The following GHITM variants were observed in gnomAD, a reference collection of about 807,000 sequenced individuals.
GHITM encodes the protein growth hormone-inducible transmembrane protein.
In GHITM, 24 loss-of-function variants were observed where a neutral mutation model predicts 38.7. That is an observed-to-expected ratio of 0.62 (90% confidence interval 0.45 to 0.87). The LOEUF (loss-of-function observed/expected upper bound fraction) is 0.87, where lower values mean the gene tolerates loss of function less well. GHITM is among the 40% of genes least tolerant of loss of function. The pLI, the probability that GHITM is intolerant of heterozygous loss-of-function variation, is 0.00. For missense variants in GHITM, 420 were observed against 429.8 expected (o/e 0.98, Z 0.20); for synonymous variants, 154 against 147.8 (o/e 1.04, Z -0.30).
At chr10:84,148,045 A>G (rs977747130) in intron 5 of GHITM, among the ~76,000 whole-genome samples, 2 of 152,100 alleles carry the variant, frequency 1.3e-5, no homozygotes, top group African/African-American at 4.8e-5. Context: ...ATACAAAAAT[A>G]TATTTTTTAA....
At chr10:84,145,109 A>T in intron 5 of GHITM, 93 bp downstream of exon 5, 1 of 883,538 alleles carries the variant, frequency 1.1e-6, no homozygotes, top group East Asian at 2.8e-5. Context: ...TGGAAAGAAT[A>T]CTGTATTGAA....
chr10:84,152,707 A>AT lies in GHITM; in HGVS notation c.*366dup, dbSNP rs749938140. Reference sequence around the variant, plus strand: ...AAATTTAGCAAACCTGTGTTTGCATATTTTTTTGGAGTGCAGAATATTGTA... The same window carrying AT: ...AAATTTAGCAAACCTGTGTTTGCATATTTTTTTTGGAGTGCAGAATATTGTA... On this transcript the variant is annotated 3_prime_UTR_variant, in exon 9 of 9. Coordinates refer to ENST00000372134, the MANE Select transcript of GHITM (RefSeq NM_014394.3). 7.9e-5 allele frequency: 14 copies of AT among 178,304 alleles called. No homozygotes were observed. Among genetic ancestry groups the AT allele is most frequent in the Middle Eastern group, 2.4e-3 (1 of 424 alleles). 11.0% of individuals were successfully genotyped at this position (178,304 alleles called of 1,614,324 possible).
At position 84,150,586 on chromosome 10, in the gene GHITM, C is replaced by G. The variant is rs992822596; in HGVS notation, c.782-123C>G. ...CAAATAAGATTAGACAGTACATGTA[C>G]CCAGATGTCGTCTTACCTACACAGT... On this transcript the variant is annotated intron_variant, in intron 7 of 8. Transcript: ENST00000372134. 11 of 694,292 alleles carry G rather than the reference C, an allele frequency of 1.6e-5. No homozygotes were observed. The African/African-American group carries it at 1.6e-4, about 10-fold the overall frequency. 43.0% of individuals were successfully genotyped at this position (694,292 alleles called of 1,614,324 possible).
At chr10:84,151,941 T>C (rs1841616605) in intron 8 of GHITM, among the ~76,000 whole-genome samples, 1 of 152,302 alleles carries the variant, frequency 6.6e-6, no homozygotes, top group African/African-American at 2.4e-5. Flanking sequence ...CAGGTTTTTA[T>C]AAAGGTGTTT....
Position 84,144,051 on chromosome 10 carries a change from T to A in GHITM, c.286T>A (p.Leu96Met). Reference protein sequence around the residue: ...AGGAAVGLGALCYYGLGLSNE... With the variant: ...AGGAAVGLGAMCYYGLGLSNE... The stretch of plus-strand genomic sequence containing the variant: ...AGGGGCTGCTGTTGGTCTTGGAGCA[T>A]TGTGCTACTATGGCTTGGGACTGTC... Residue 96 changes from leucine to methionine, a missense_variant, in exon 4 of 9, where the codon TTG becomes ATG. By Grantham distance (15) the Leu-to-Met change is conservative (BLOSUM62 2). Coordinates refer to ENST00000372134, the MANE Select transcript of GHITM (RefSeq NM_014394.3). 1 of 1,614,108 alleles carries A rather than the reference T, an allele frequency of 6.2e-7. No homozygotes were observed. The highest frequency in any genetic ancestry group is 8.5e-7 in the Non-Finnish European group (1 of 1,179,950).
intron 6 of GHITM, among the ~76,000 whole-genome samples, chr10:84,149,820 G>C (rs550555069): frequency 6.6e-6 from 1 of 152,326 alleles, no homozygotes; most frequent in Admixed American, 6.5e-5. Flanking sequence ...AAGTAGATTA[G>C]TGTTTGCTTG....
rs775106368 is a variant in GHITM at position 84,142,747 on chromosome 10, A to T, written c.222A>T (p.Ile74=). 1 of 1,570,324 alleles carries T rather than the reference A, an allele frequency of 6.4e-7. No individual in the cohort carries two copies. Among genetic ancestry groups the T allele is most frequent in the South Asian group, 1.1e-5 (1 of 89,882 alleles). The change falls in exon 3 of 9, where the codon ATA becomes ATT. Residue 74 remains isoleucine (I), a synonymous_variant. Transcript: ENST00000372134. ...EAALEPSMEK[I]FKIDQMGRWF... ...CATTGGAACCATCGATGGAAAAAAT[A>T]TTTAAAAGTAGGTGGCTATCTTTAG...
At chr10:84,152,139 A>C (rs1841618230) in intron 8 of GHITM, 125 bp from the exon 9 acceptor site, 6 of 567,100 alleles carry the variant, frequency 1.1e-5, no homozygotes, top group South Asian at 6.9e-5. Context: ...GCAGTTAAAC[A>C]TCTTATTTTT....
chr10:84,153,359 C>G lies in GHITM; in HGVS notation c.*1011C>G, dbSNP rs1393199205. On this transcript the variant is annotated 3_prime_UTR_variant, in exon 9 of 9. Transcript: ENST00000372134. ...TTCTCGCATTGCCTCTCAGACTAAG[C>G]ACTAAAAAGCAAAGCAAAACAGAAC... is the stretch of plus-strand genomic sequence containing the variant. 1 of 152,100 alleles carries G rather than the reference C, an allele frequency of 6.6e-6. No individual in the cohort carries two copies. The highest frequency in any genetic ancestry group is 6.5e-5 in the Admixed American group (1 of 15,270). The allele number at this position is 152,100 out of a possible 1,614,324, so 9.4% of individuals were successfully genotyped here. A position where few individuals can be genotyped will look rare whatever the true frequency, so the allele number is the denominator to read the frequency against.
At chr10:84,149,985 T>A in intron 6 of GHITM, 70 bp from the exon 7 acceptor site, 2 of 1,203,636 alleles carry the variant, frequency 1.7e-6, no homozygotes, top group Non-Finnish European at 2.3e-6. Flanking sequence ...TAAAGTGGCA[T>A]GTTAGAAGTG....
chr10:84,143,922 C>A, intron 3 of GHITM, 73 bp from the exon 4 acceptor site: 1 of 996,100 alleles, frequency 1.0e-6, no homozygotes, highest in Non-Finnish European at 1.6e-6. Context: ...TGATTTGATT[C>A]CCTTGATAAA....
chr10:84,152,332 G>A lies in GHITM; in HGVS notation c.1022G>A (p.Gly341Asp), dbSNP rs749471498. 6.3e-7 allele frequency: 1 copy of A among 1,597,952 alleles called. No homozygotes were observed. The highest frequency in any genetic ancestry group is 8.6e-7 in the Non-Finnish European group (1 of 1,166,584). Residue 341 changes from glycine to aspartate, a missense_variant, in exon 9 of 9, where the codon GGC (glycine) becomes GAC (aspartate). Coordinates refer to ENST00000372134, the MANE Select transcript of GHITM (RefSeq NM_014394.3). ...GTTGCAACTATGCTGGCAACTGGAGGCAACAGAAAGAAATGAAGTGACTCA... is the reference window on the plus strand; with the variant it reads ...GTTGCAACTATGCTGGCAACTGGAGACAACAGAAAGAAATGAAGTGACTCA... ...MRVATMLATGGNRKK is the reference protein window; with the variant it reads ...MRVATMLATGDNRKK
At chr10:84,149,227 A>C (rs983183025) in intron 6 of GHITM, among the ~76,000 whole-genome samples, 1 of 152,230 alleles carries the variant, frequency 6.6e-6, no homozygotes, top group Non-Finnish European at 1.5e-5. Flanking sequence ...ATAACAAAAA[A>C]CTGAGAGGAG....
intron 6 of GHITM, 22 bp from the exon 7 acceptor site, chr10:84,150,033 T>C (rs1841595836): frequency 6.8e-7 from 1 of 1,477,656 alleles, no homozygotes; most frequent in Non-Finnish European, 9.1e-7. Flanking sequence ...AAATACTTAA[T>C]GAGCACTTCC....
intron 5 of GHITM, among the ~76,000 whole-genome samples, chr10:84,146,969 C>T (rs577496788): frequency 2.6e-5 from 4 of 152,086 alleles, no homozygotes; most frequent in South Asian, 2.1e-4. Context: ...AGCCAGGGTA[C>T]CTACTAGAAA....
intron 1 of GHITM, 24 bp from the exon 2 acceptor site, chr10:84,141,438 G>T: frequency 4.6e-6 from 7 of 1,526,344 alleles, no homozygotes; most frequent in Admixed American, 3.6e-5. Context: ...TTTTTTGGTT[G>T]GTTTTGCCTT....
In GHITM at chr10:84,153,368, G is replaced by A. The variant is rs1023612670; in HGVS notation, c.*1020G>A. The A allele has an allele frequency of 1.3e-5, 2 of 152,050 alleles. No individual in the cohort carries two copies. The highest frequency in any genetic ancestry group is 2.9e-5 in the Non-Finnish European group (2 of 67,978). The allele number at this position is 152,050 out of a possible 1,614,324, so 9.4% of individuals were successfully genotyped here. ...TGCCTCTCAGACTAAGCACTAAAAA[G>A]CAAAGCAAAACAGAACTAGTTCTGT... On this transcript the variant is annotated 3_prime_UTR_variant, in exon 9 of 9. Transcript: ENST00000372134.
At chr10:84,143,811 C>T (rs1036978391) in intron 3 of GHITM, among the ~76,000 whole-genome samples, 184 bp from the exon 4 acceptor site, 43 of 152,168 alleles carry the variant, frequency 2.8e-4, no homozygotes, top group African/African-American at 9.4e-4. Context: ...CTGATTTTTA[C>T]ACCTTTGTTT....
chr10:84,144,783 A>G (rs1841541707), intron 4 of GHITM, 92 bp from the exon 5 acceptor site: 1 of 713,738 alleles, frequency 1.4e-6, no homozygotes, highest in Non-Finnish European at 2.3e-6. Flanking sequence ...AAAGTGTAAA[A>G]TGATTTATCC....
Sources: allele counts gnomAD v4.1 joint callset (sites outside exome capture counted in the v4.1 genomes callset), GRCh38; gene constraint gnomAD v4.1.1; transcripts MANE v1.5; gene names NCBI Gene and HGNC (gene_info 2026-07-23, HGNC 2026-07-21).